ACOT12: variants seen among roughly 807,000 people sequenced by gnomAD.
ACOT12 encodes acetyl-coenzyme A thioesterase.
In ACOT12, 51 loss-of-function variants were observed where a neutral mutation model predicts 67.7. That is an observed-to-expected ratio of 0.75 (90% confidence interval 0.60 to 0.95). ACOT12 has a LOEUF of 0.95. ACOT12 is among the 40% of genes least tolerant of loss of function. ACOT12 has a pLI of 0.00. For synonymous variants in ACOT12, 251 were observed against 244.6 expected (o/e 1.03, Z -0.24); for missense variants, 734 against 708.1 (o/e 1.04, Z -0.41).
At chr5:81,392,110 C>CT (rs1760882755) in intron 1 of ACOT12, among the ~76,000 whole-genome samples, 6 of 152,144 alleles carry the variant, frequency 3.9e-5, no homozygotes, top group Admixed American at 2.6e-4. Context: ...AATATTTCAT[C>CT]TTTCTTTAAA....
At chr5:81,344,089 GA>G in intron 9 of ACOT12, 70 bp downstream of exon 9, 11 of 1,493,754 alleles carry the variant, frequency 7.4e-6, no homozygotes, top group Non-Finnish European at 1.0e-5. Context: ...TAGAGACCCA[GA>G]GGGGGGCTCT....
At chr5:81,385,921 G>A in intron 1 of ACOT12, 95 bp from the exon 2 acceptor site, 1 of 1,160,802 alleles carries the variant, frequency 8.6e-7, no homozygotes, top group Non-Finnish European at 1.2e-6. Flanking sequence ...ATTGATTTTA[G>A]TCACCCATCC....
the ACOT12 span, chr5:81,312,715 GC>G: frequency 7.3e-7 from 1 of 1,364,406 alleles, no homozygotes; most frequent in Non-Finnish European, 1.0e-6. Context: ...TCTAAACCAG[GC>G]CCGCTTCACG....
At chr5:81,318,995 T>C in the ACOT12 span, among the ~76,000 whole-genome samples, 2 of 150,172 alleles carry the variant, frequency 1.3e-5, no homozygotes, top group Admixed American at 6.7e-5. Context: ...TCACAGCAAC[T>C]GTAATTGTGA....
At chr5:81,312,723 C>A in the ACOT12 span, 3 of 1,298,464 alleles carry the variant, frequency 2.3e-6, no homozygotes, top group African/African-American at 2.9e-5. Context: ...AGGCCCGCTT[C>A]ACGAGTTAGA....
chr5:81,332,691 T>C (rs1758868695), intron 12 of ACOT12, 86 bp from the exon 13 acceptor site: 1 of 1,522,812 alleles, frequency 6.6e-7, no homozygotes, highest in Admixed American at 1.7e-5. Flanking sequence ...AATCTCATTA[T>C]TTGTATCCAT....
intron 1 of ACOT12, among the ~76,000 whole-genome samples, chr5:81,386,537 AC>A (rs1219407981): frequency 6.6e-6 from 1 of 152,150 alleles, no homozygotes; most frequent in African/African-American, 2.4e-5. Flanking sequence ...TACATAAAAA[AC>A]ACCAGAATTT....
At chr5:81,320,184 T>C in the ACOT12 span, among the ~76,000 whole-genome samples, 1 of 152,202 alleles carries the variant, frequency 6.6e-6, no homozygotes, top group African/African-American at 2.4e-5. Flanking sequence ...GCACAGAACC[T>C]ACAGAGGCCA....
chr5:81,386,774 G>T (rs1760733875), intron 1 of ACOT12, among the ~76,000 whole-genome samples: 3 of 152,194 alleles, frequency 2.0e-5, no homozygotes, highest in Admixed American at 1.3e-4. Context: ...TTAATTGATA[G>T]TCCTAGGTAA....
chr5:81,381,878 T>G (rs952769147), intron 2 of ACOT12, among the ~76,000 whole-genome samples: 1 of 152,224 alleles, frequency 6.6e-6, no homozygotes, highest in African/African-American at 2.4e-5. Flanking sequence ...TGGAAAATGA[T>G]TATTTCAAAT....
At chr5:81,310,915 C>G in the ACOT12 span, among the ~76,000 whole-genome samples, 1 of 152,174 alleles carries the variant, frequency 6.6e-6, no homozygotes, top group Non-Finnish European at 1.5e-5. Flanking sequence ...TTGTTAAGAT[C>G]CAGGCTTCTG....
intron 11 of ACOT12, among the ~76,000 whole-genome samples, chr5:81,337,787 C>T (rs1470854674): frequency 6.6e-6 from 1 of 152,198 alleles, no homozygotes; most frequent in Admixed American, 6.5e-5. Context: ...GTGTCCACTA[C>T]CCAGTTTGTG....
At chr5:81,382,052 A>C (rs1014738732) in intron 2 of ACOT12, among the ~76,000 whole-genome samples, 1 of 152,232 alleles carries the variant, frequency 6.6e-6, no homozygotes, top group Non-Finnish European at 1.5e-5. Flanking sequence ...TTTCAATCAA[A>C]TAAGTTTATG....
chr5:81,349,038 G>C (rs1235377925), intron 5 of ACOT12, among the ~76,000 whole-genome samples: 1 of 152,210 alleles, frequency 6.6e-6, no homozygotes, highest in African/African-American at 2.4e-5. Flanking sequence ...TTGTTGGGAA[G>C]GAGGGGGAAA....
intron 5 of ACOT12, among the ~76,000 whole-genome samples, chr5:81,348,157 T>C (rs1224391859): frequency 1.3e-5 from 2 of 152,204 alleles, no homozygotes; most frequent in Non-Finnish European, 2.9e-5. Flanking sequence ...CTTTTAGAGA[T>C]TGTATTCTAG....
chr5:81,393,963 C>T, intron 1 of ACOT12, 25 bp downstream of exon 1: 1 of 1,315,410 alleles, frequency 7.6e-7, no homozygotes, highest in Non-Finnish European at 9.6e-7. Flanking sequence ...TCCCGCGCCT[C>T]CCCGCAGCCC....
chr5:81,344,847 TATTCAC>T (rs1759323001), intron 8 of ACOT12, 38 bp downstream of exon 8: 2 of 1,608,724 alleles, frequency 1.2e-6, no homozygotes, highest in Admixed American at 3.3e-5. Context: ...TAGAGCTCTC[TATTCAC>T]AGGTCCGGCT....
At chr5:81,321,933 C>T in the ACOT12 span, among the ~76,000 whole-genome samples, 8 of 150,672 alleles carry the variant, frequency 5.3e-5, no homozygotes, top group Non-Finnish European at 7.4e-5. Context: ...GGAAACAAAG[C>T]AAGACTCTGT....
Position 81,371,826 on chromosome 5 carries a change from C to CA in ACOT12, c.198-17dup, listed in dbSNP as rs758025777. The CA allele has an allele frequency of 1.9e-6, 3 of 1,610,218 alleles. No individual in the cohort carries two copies. Among genetic ancestry groups the CA allele is most frequent in the East Asian group, 2.2e-5 (1 of 44,828 alleles). The stretch of plus-strand genomic sequence containing the variant: ...TTGTCCAACTCTAGGGAAAAACAAA[C>CA]AAAAAAACCTCAGTAGTTTTAGCAC... On this transcript the variant is annotated splice_polypyrimidine_tract_variant and intron_variant, in intron 2 of 14. Transcript: ENST00000307624.
Sources: gnomAD v4.1 joint callset for allele counts (sites outside exome capture counted in the v4.1 genomes callset) on GRCh38, gnomAD v4.1.1 for gene constraint, MANE v1.5 for transcripts, NCBI Gene and HGNC (gene_info 2026-07-23, HGNC 2026-07-21) for gene names.